The following RASSF3 variants were observed in gnomAD, a reference collection of about 807,000 sequenced individuals.
RASSF3 encodes the protein ras association domain-containing protein 3.
Under a neutral mutation model 19.9 loss-of-function variants are expected in RASSF3, and 19 were observed. The observed-to-expected ratio is 0.96, with a 90% CI of 0.67 to 1.40. RASSF3 has a LOEUF of 1.40. Ranked by LOEUF, RASSF3 falls within the 40% of genes most tolerant of loss-of-function variation. RASSF3 has a pLI of 0.00. For missense variants in RASSF3, 306 were observed against 289.8 expected (o/e 1.06, Z -0.41); for synonymous variants, 110 against 104.2 (o/e 1.06, Z -0.34).
At position 64,671,348 on chromosome 12, in the gene RASSF3, C is replaced by T. The variant is rs1036914672; in HGVS notation, c.112-13439C>T. Among the ~76,000 whole-genome samples, 7 of 152,186 alleles carry T rather than the reference C, an allele frequency of 4.6e-5. No individual in the cohort carries two copies. The South Asian group carries it at 8.3e-4, about 18-fold the overall frequency. On this transcript the variant is annotated intron_variant, in intron 1 of 4. Transcript: ENST00000542104. ...AAGTGGGCCAGGGGCACTGGACCCT[C>T]GGCTTTCTCCCTGCAGGGGGATCTG... is the stretch of plus-strand genomic sequence containing the variant.
At chr12:64,632,084 G>T (rs1385979042) in intron 1 of RASSF3, among the ~76,000 whole-genome samples, 1 of 152,110 alleles carries the variant, frequency 6.6e-6, no homozygotes, top group East Asian at 1.9e-4. Flanking sequence ...ATACAAGAGG[G>T]GGTGACTAGG....
Position 64,695,116 on chromosome 12 carries a change from A to G in RASSF3, c.*204A>G. 9 of 532,722 alleles carry G rather than the reference A, an allele frequency of 1.7e-5. No homozygotes were observed. The highest frequency in any genetic ancestry group is 3.0e-5 in the Non-Finnish European group (9 of 302,202). 33.0% of individuals were successfully genotyped at this position (532,722 alleles called of 1,614,324 possible). On this transcript the variant is annotated 3_prime_UTR_variant, in exon 5 of 5. Transcript: ENST00000542104. Reference sequence around the variant, plus strand: ...AAGGGACTCTGCAAGCTTGTTGTTCAGCACCGCAGTGTTACCTCTTGGCAA... The same window carrying G: ...AAGGGACTCTGCAAGCTTGTTGTTCGGCACCGCAGTGTTACCTCTTGGCAA...
At chr12:64,642,999 A>G (rs1462339072) in intron 1 of RASSF3, among the ~76,000 whole-genome samples, 1 of 151,722 alleles carries the variant, frequency 6.6e-6, no homozygotes, top group East Asian at 1.9e-4. Flanking sequence ...AGCTGGGACT[A>G]CAGGCACATG....
chr12:64,549,967 AC>A (rs561036871), intron 2 of RASSF3, among the ~76,000 whole-genome samples: 121 of 152,304 alleles, frequency 7.9e-4, no homozygotes, highest in African/African-American at 2.8e-3. Flanking sequence ...TTTCATGCTT[AC>A]CACAAGTCTA....
chr12:64,689,788 A>ATTTTTTTTTTTTTTTT (rs1285995154), intron 3 of RASSF3, among the ~76,000 whole-genome samples: 50 of 42,852 alleles, frequency 1.2e-3, no homozygotes, highest in South Asian at 3.5e-3. Context: ...TAATTCGCTA[A>ATTTTTTTTTTTTTTTT]TTCTTTTTTT....
intron 1 of RASSF3, among the ~76,000 whole-genome samples, chr12:64,518,626 C>T (rs1274771901): frequency 6.6e-6 from 1 of 152,216 alleles, no homozygotes; most frequent in Non-Finnish European, 1.5e-5. Context: ...GCCATATTAC[C>T]ATCATAAAGG....
intron 1 of RASSF3, among the ~76,000 whole-genome samples, chr12:64,633,142 C>T (rs1871220082): frequency 6.6e-6 from 1 of 152,160 alleles, no homozygotes; most frequent in Non-Finnish European, 1.5e-5. Context: ...CTTCAGAGGA[C>T]TGACAGGGAC....
At chr12:64,637,681 C>T (rs1336228285) in intron 1 of RASSF3, among the ~76,000 whole-genome samples, 1 of 151,894 alleles carries the variant, frequency 6.6e-6, no homozygotes, top group Non-Finnish European at 1.5e-5. Flanking sequence ...CCACCCACCT[C>T]AGCCTCCCAA....
At chr12:64,539,408 T>C (rs1309569305) in intron 1 of RASSF3, among the ~76,000 whole-genome samples, 1 of 152,168 alleles carries the variant, frequency 6.6e-6, no homozygotes. Context: ...TTCCAACACA[T>C]GAAATTTGGG....
chr12:64,530,329 G>T, upstream of RASSF3, among the ~76,000 whole-genome samples: 1 of 145,662 alleles, frequency 6.9e-6, no homozygotes, highest in African/African-American at 2.6e-5. Context: ...TTTCCATAGA[G>T]ACATGGTCTC....
At chr12:64,677,994 T>C (rs993255228) in intron 1 of RASSF3, among the ~76,000 whole-genome samples, 4 of 152,220 alleles carry the variant, frequency 2.6e-5, no homozygotes. Flanking sequence ...GGTTTGCTTA[T>C]AAGTCCCTCC....
At chr12:64,544,232 C>T (rs532549934), downstream of RASSF3, among the ~76,000 whole-genome samples, 1 of 151,858 alleles carries the variant, frequency 6.6e-6, no homozygotes, top group African/African-American at 2.4e-5. Flanking sequence ...ATCGAGACCA[C>T]GAACCCACCG....
chr12:64,637,145 G>A (rs758182751), intron 1 of RASSF3, among the ~76,000 whole-genome samples: 1 of 152,156 alleles, frequency 6.6e-6, no homozygotes, highest in South Asian at 2.1e-4. Flanking sequence ...GAAGCCCACA[G>A]TGATACCTTG....
intron 1 of RASSF3, among the ~76,000 whole-genome samples, chr12:64,520,896 GA>G (rs1327327743): frequency 6.6e-6 from 1 of 152,072 alleles, no homozygotes; most frequent in African/African-American, 2.4e-5. Context: ...TAGAGTAACT[GA>G]AAGTGATGTC....
At chr12:64,681,495 C>T (rs1183602519) in intron 1 of RASSF3, among the ~76,000 whole-genome samples, 1 of 152,196 alleles carries the variant, frequency 6.6e-6, no homozygotes, top group Non-Finnish European at 1.5e-5. Context: ...AGGTGTGGTG[C>T]ACTTTCTGCA....
intron 1 of RASSF3, among the ~76,000 whole-genome samples, chr12:64,638,346 C>T (rs986572713): frequency 2.0e-5 from 3 of 151,950 alleles, no homozygotes; most frequent in Non-Finnish European, 4.4e-5. Context: ...TTCGGGAGGC[C>T]GAGGCGGGCG....
chr12:64,565,955 C>T (rs1869424265), intron 2 of RASSF3, among the ~76,000 whole-genome samples: 1 of 151,208 alleles, frequency 6.6e-6, no homozygotes, highest in South Asian at 2.1e-4. Context: ...AATCACAGCA[C>T]TTTGGGAAGC....
intron 2 of RASSF3, among the ~76,000 whole-genome samples, chr12:64,686,576 A>G (rs1399983607): frequency 6.6e-6 from 1 of 151,932 alleles, no homozygotes; most frequent in Non-Finnish European, 1.5e-5. Context: ...GTGCCACTGC[A>G]CTCCAGCCTA....
intron 2 of RASSF3, among the ~76,000 whole-genome samples, chr12:64,570,339 T>C (rs1449865355): frequency 6.6e-6 from 1 of 152,182 alleles, no homozygotes; most frequent in Non-Finnish European, 1.5e-5. Context: ...TTGCAGCTGA[T>C]GGATTAGGAG....
Sources: gnomAD v4.1 joint callset for allele counts (sites outside exome capture counted in the v4.1 genomes callset) on GRCh38, gnomAD v4.1.1 for gene constraint, MANE v1.5 for transcripts, NCBI Gene and HGNC (gene_info 2026-07-23, HGNC 2026-07-21) for gene names.